Variants in CCDC85C observed in about 807,000 individuals in gnomAD.
The protein encoded by CCDC85C is coiled-coil domain-containing protein 85C.
CCDC85C carries 18 observed loss-of-function variants against 38.3 expected under a neutral mutation model. The ratio of observed to expected loss-of-function variants is 0.47; its 90% CI spans 0.33 to 0.70. The LOEUF (loss-of-function observed/expected upper bound fraction) is 0.70. Ranked by LOEUF, CCDC85C falls within the 30% of genes least tolerant of loss-of-function variation. The pLI is 0.03. For synonymous variants in CCDC85C, 264 were observed against 293.8 expected, an observed-to-expected ratio of 0.90 and a Z score of 1.04; for missense variants, 566 against 621.2, an observed-to-expected ratio of 0.91 and a Z score of 0.94.
chr14:99,567,007 C>T (rs1213223759), intron 1 of CCDC85C, among the ~76,000 whole-genome samples: 2 of 152,148 alleles, frequency 1.3e-5, no homozygotes, highest in African/African-American at 2.4e-5. Context: ...CAAGAGGGCC[C>T]GAACCCCTCT....
At position 99,604,028 on chromosome 14, in the gene CCDC85C, C is replaced by A. The variant is rs888043087; in HGVS notation, c.-69G>T. On this transcript the variant is annotated 5_prime_UTR_variant, in exon 1 of 6. Coordinates refer to ENST00000380243, the MANE Select transcript of CCDC85C (RefSeq NM_001144995.2). ...GGCGCTTCCCCGCGCCGGGGCTCCG[C>A]TGGGCCGGTCCGCGCGCGGGCGGGG... 4.9e-5 allele frequency: 51 copies of A among 1,038,472 alleles called. No homozygotes were observed. The highest frequency in any genetic ancestry group is 5.8e-5 in the Non-Finnish European group (50 of 866,272). The allele number at this position is 1,038,472 out of a possible 1,614,324, so 64.3% of individuals were successfully genotyped here.
chr14:99,503,005 C>G lies in CCDC85C; in HGVS notation c.*12241G>C, dbSNP rs1302871495. On this transcript the variant is annotated 3_prime_UTR_variant, in exon 6 of 6. Coordinates refer to ENST00000380243, the MANE Select transcript of CCDC85C (RefSeq NM_001144995.2). ...CCGTGGTGAGTGGGCTAAAGCAGGC[C>G]CTGGGTAGAGCAGGCTTTCCAGGTG... 1 of 1,613,694 alleles carries G rather than the reference C, an allele frequency of 6.2e-7. No individual in the cohort carries two copies. Among genetic ancestry groups the G allele is most frequent in the Admixed American group, 1.7e-5 (1 of 60,012 alleles).
chr14:99,535,950 G>A lies in CCDC85C; in HGVS notation c.867+65C>T, dbSNP rs1897588090. 2.4e-6 allele frequency: 3 copies of A among 1,237,082 alleles called. No individual in the cohort carries two copies. The South Asian group carries it at 3.9e-5, about 16-fold the overall frequency. 76.6% of individuals were successfully genotyped at this position (1,237,082 alleles called of 1,614,324 possible). A position where few individuals can be genotyped will look rare whatever the true frequency, so the allele number is the denominator to read the frequency against. On this transcript the variant is annotated intron_variant, in intron 2 of 5. Transcript: ENST00000380243. The surrounding 1 kb of genome is among the most constrained non-coding windows in gnomAD (Gnocchi z 5.5). Reference sequence around the variant, plus strand: ...AGGTCCCAAGGGGAAGGGTGCCCTGGGTGAGCTGGAGGGGTGGGTGCTGGG... The same window carrying A: ...AGGTCCCAAGGGGAAGGGTGCCCTGAGTGAGCTGGAGGGGTGGGTGCTGGG...
rs1464054720 is a variant in CCDC85C, at chr14:99,512,771, GGTCGCCCTGCTAGTGACGGAGCTGGGA to G, written c.*2448_*2474del. On this transcript the variant is annotated 3_prime_UTR_variant, in exon 6 of 6. Coordinates refer to ENST00000380243, the MANE Select transcript of CCDC85C (RefSeq NM_001144995.2). ...AGAGCTAAGGCTCCAGAAGGAAGGG[GGTCGCCCTGCTAGTGACGGAGCTGGGA>G]GTCACCCTGAGCTACAGCATGCCCA... The G allele has an allele frequency of 2.0e-5, 3 of 152,214 alleles. No homozygotes were observed. The highest frequency in any genetic ancestry group is 7.2e-5 in the African/African-American group (3 of 41,442). 9.4% of individuals were successfully genotyped at this position (152,214 alleles called of 1,614,324 possible).
At chr14:99,562,732 C>T (rs117812535) in intron 1 of CCDC85C, among the ~76,000 whole-genome samples, 296 of 143,698 alleles carry the variant, frequency 2.1e-3, no homozygotes, top group Non-Finnish European at 3.5e-3. Flanking sequence ...CTGCACACCT[C>T]ACCCTCACAC....
intron 1 of CCDC85C, among the ~76,000 whole-genome samples, chr14:99,559,100 G>A (rs1167656423): frequency 6.6e-6 from 1 of 152,126 alleles, no homozygotes; most frequent in Non-Finnish European, 1.5e-5. Context: ...AGCAGGTGCT[G>A]CCATGCTTCC....
rs200503921 is a variant in CCDC85C, at chr14:99,502,973, A to G, written c.*12273T>C. ...GCAGCCCAGTTCTCCCCGACAGGTT[A>G]AGCGAGCCGTGGTGAGTGGGCTAAA... On this transcript the variant is annotated 3_prime_UTR_variant, in exon 6 of 6. Coordinates refer to ENST00000380243, the MANE Select transcript of CCDC85C (RefSeq NM_001144995.2). The G allele has an allele frequency of 6.2e-7, 1 of 1,613,976 alleles. No homozygotes were observed. Among genetic ancestry groups the G allele is most frequent in the African/African-American group, 1.3e-5 (1 of 75,048 alleles).
At chr14:99,578,340 C>T (rs1459037127) in intron 1 of CCDC85C, among the ~76,000 whole-genome samples, 1 of 139,526 alleles carries the variant, frequency 7.2e-6, no homozygotes, top group Non-Finnish European at 1.5e-5. Context: ...TGTGTGTACA[C>T]ATCTCCACAC....
intron 1 of CCDC85C, among the ~76,000 whole-genome samples, chr14:99,592,522 A>T (rs1040024998): frequency 4.6e-5 from 7 of 152,088 alleles, no homozygotes; most frequent in Non-Finnish European, 8.8e-5. Flanking sequence ...GTCCTAGGTG[A>T]CCAGCACACC....
In CCDC85C at chr14:99,517,343, A is replaced by G. The variant is rs376810148; in HGVS notation, c.976-160T>C. On this transcript the variant is annotated intron_variant, in intron 3 of 5. Coordinates refer to ENST00000380243, the MANE Select transcript of CCDC85C (RefSeq NM_001144995.2). ...AGGCAGGTGTGAGGATGGAGACCCAAGGAGCCCACAGCCAGTCTGGCCAGT... is the reference window on the plus strand; with the variant it reads ...AGGCAGGTGTGAGGATGGAGACCCAGGGAGCCCACAGCCAGTCTGGCCAGT... 5.7e-4 allele frequency among the ~76,000 whole-genome samples: 87 copies of G among 152,206 alleles called. 1 individual carries two copies. In the East Asian group the frequency reaches 0.015, roughly 27 times the overall value.
At position 99,520,426 on chromosome 14, in the gene CCDC85C, C is replaced by T. The variant is rs547589874; in HGVS notation, c.975+1707G>A. ...CCCCCACTCCTGGGGGCCTGCCCGC[C>T]GACCAGCCCCGATCACGGCCCCTGC... On this transcript the variant is annotated intron_variant, in intron 3 of 5. Coordinates refer to ENST00000380243, the MANE Select transcript of CCDC85C (RefSeq NM_001144995.2). This position sits in a 1 kb window ranked among gnomAD's most constrained non-coding sequence, Gnocchi z 4.1. 1.3e-5 allele frequency among the ~76,000 whole-genome samples: 2 copies of T among 150,410 alleles called. No homozygotes were observed. Among genetic ancestry groups the T allele is most frequent in the East Asian group, 4.0e-4 (2 of 4,958 alleles).
At chr14:99,538,951 T>G (rs1269657908) in intron 1 of CCDC85C, among the ~76,000 whole-genome samples, 2 of 152,078 alleles carry the variant, frequency 1.3e-5, no homozygotes, top group African/African-American at 2.4e-5. Flanking sequence ...GGGCCACCTG[T>G]AGGCACAGAC....
In CCDC85C at chr14:99,510,745, C is replaced by T; in HGVS notation, c.*4501G>A. On this transcript the variant is annotated 3_prime_UTR_variant, in exon 6 of 6. Transcript: ENST00000380243. ...CCCATTCCCCCACCCGGCATGCCTC[C>T]AGTTGGGGGGCTGGGGCGGGCAGCC... is the stretch of plus-strand genomic sequence containing the variant. The T allele has an allele frequency of 6.9e-7, 1 of 1,449,128 alleles. No homozygotes were observed. Among genetic ancestry groups the T allele is most frequent in the Non-Finnish European group, 9.1e-7 (1 of 1,101,638 alleles). 89.8% of individuals were successfully genotyped at this position (1,449,128 alleles called of 1,614,324 possible).
chr14:99,500,789 A>G lies in CCDC85C; in HGVS notation c.*14457T>C. The G allele has an allele frequency of 6.4e-7, 1 of 1,563,856 alleles. No homozygotes were observed. The highest frequency in any genetic ancestry group is 8.7e-7 in the Non-Finnish European group (1 of 1,151,946). On this transcript the variant is annotated 3_prime_UTR_variant, in exon 6 of 6. Coordinates refer to ENST00000380243, the MANE Select transcript of CCDC85C (RefSeq NM_001144995.2). Reference sequence around the variant, plus strand: ...AGGAGGAAGTAATGGTTCTGGAGAGAATCTTACTGCAGACCATCAAGTTTG... The same window carrying G: ...AGGAGGAAGTAATGGTTCTGGAGAGGATCTTACTGCAGACCATCAAGTTTG...
At position 99,576,104 on chromosome 14, in the gene CCDC85C, T is replaced by A. The variant is rs749390673; in HGVS notation, c.793+27063A>T. Reference sequence around the variant, plus strand: ...AGGGTGGCTCACACTAATGGCCACATCTTCCTCCATCCCCAAAAAGTAGCC... The same window carrying A: ...AGGGTGGCTCACACTAATGGCCACAACTTCCTCCATCCCCAAAAAGTAGCC... On this transcript the variant is annotated intron_variant, in intron 1 of 5. Coordinates refer to ENST00000380243, the MANE Select transcript of CCDC85C (RefSeq NM_001144995.2). This position sits in a 1 kb window ranked among gnomAD's most constrained non-coding sequence, Gnocchi z 4.8. Among the ~76,000 whole-genome samples, 6 of 152,188 alleles carry A rather than the reference T, an allele frequency of 3.9e-5. No homozygotes were observed. Among genetic ancestry groups the A allele is most frequent in the Non-Finnish European group, 7.3e-5 (5 of 68,034 alleles).
intron 1 of CCDC85C, among the ~76,000 whole-genome samples, chr14:99,549,920 A>G (rs1205411892): frequency 6.6e-6 from 1 of 152,200 alleles, no homozygotes; most frequent in Non-Finnish European, 1.5e-5. Flanking sequence ...AAACAACACA[A>G]GCTGTGTGCC....
chr14:99,549,290 C>G (rs1897862224), intron 1 of CCDC85C, among the ~76,000 whole-genome samples: 1 of 152,240 alleles, frequency 6.6e-6, no homozygotes. Context: ...TGTTGTACCA[C>G]TTCCTCCCCG....
intron 1 of CCDC85C, among the ~76,000 whole-genome samples, chr14:99,591,770 T>C (rs1361078968): frequency 1.3e-5 from 2 of 149,664 alleles, no homozygotes; most frequent in Non-Finnish European, 3.0e-5. Context: ...AGTCTCACTC[T>C]GTCACCCAGG....
At position 99,515,214 on chromosome 14, in the gene CCDC85C, C is replaced by A; in HGVS notation, c.*32G>T. ...TGAAACTCCCCCTGGGGACCCCCAG[C>A]AGGGCCAGTCCACGTCCACAGAAGA... On this transcript the variant is annotated 3_prime_UTR_variant, in exon 6 of 6. Transcript: ENST00000380243. The A allele has an allele frequency of 6.6e-7, 1 of 1,512,660 alleles. No individual in the cohort carries two copies. The highest frequency in any genetic ancestry group is 9.0e-7 in the Non-Finnish European group (1 of 1,115,100). 93.7% of individuals were successfully genotyped at this position (1,512,660 alleles called of 1,614,324 possible).
Sources: gnomAD v4.1 joint callset for allele counts (sites outside exome capture counted in the v4.1 genomes callset) on GRCh38, gnomAD v4.1.1 for gene constraint, Gnocchi (gnomAD v3.1) non-coding constraint, MANE v1.5 for transcripts, NCBI Gene and HGNC (gene_info 2026-07-23, HGNC 2026-07-21) for gene names.